Variants in SPAG6 observed in about 807,000 individuals in gnomAD.
SPAG6 encodes sperm associated antigen 6, also known as sperm-associated antigen 6.
Under a neutral mutation model 58.5 loss-of-function variants are expected in SPAG6, and 49 were observed. The observed-to-expected ratio is 0.84, with a 90% CI of 0.67 to 1.06. The LOEUF (loss-of-function observed/expected upper bound fraction) is 1.06. Among genes scored for constraint, SPAG6 ranks in the 50% least tolerant of loss-of-function variants. SPAG6 has a pLI of 0.00. For missense variants in SPAG6, 560 were observed against 611.3 expected, an observed-to-expected ratio of 0.92 and a Z score of 0.89; for synonymous variants, 233 against 225.6, an observed-to-expected ratio of 1.03 and a Z score of -0.29.
intron 9 of SPAG6, among the ~76,000 whole-genome samples, chr10:22,402,113 T>C (rs1351092582): frequency 6.6e-6 from 1 of 152,158 alleles, no homozygotes; most frequent in African/African-American, 2.4e-5. Flanking sequence ...AAAATGTAAA[T>C]AATTAGAGTA....
intron 4 of SPAG6, among the ~76,000 whole-genome samples, chr10:22,370,389 A>C (rs759352763): frequency 6.6e-6 from 1 of 152,180 alleles, no homozygotes; most frequent in African/African-American, 2.4e-5. Flanking sequence ...TCTCCCTGTT[A>C]AATGGAGAAA....
chr10:22,390,172 T>C lies in SPAG6; in HGVS notation c.1005+860T>C, dbSNP rs79919152. Among the ~76,000 whole-genome samples, 574 of 152,322 alleles carry C rather than the reference T, an allele frequency of 3.8e-3. 10 individuals carry two copies. The East Asian group carries it at 0.056, about 15-fold the overall frequency. ...TTTGCTTTACTCCCTTTTATCCTGC[T>C]CTTTTCCTTTTGTTCTTCTACTACC... On this transcript the variant is annotated intron_variant, in intron 7 of 10. Transcript: ENST00000376624.
intron 8 of SPAG6, among the ~76,000 whole-genome samples, chr10:22,395,058 T>C (rs1230848773): frequency 6.6e-6 from 1 of 152,198 alleles, no homozygotes; most frequent in Non-Finnish European, 1.5e-5. Flanking sequence ...AGTTCGTCCA[T>C]GTTGTGGCAT....
intron 8 of SPAG6, among the ~76,000 whole-genome samples, chr10:22,394,000 A>C (rs986295099): frequency 4.6e-5 from 7 of 152,184 alleles, no homozygotes; most frequent in African/African-American, 1.7e-4. Flanking sequence ...TCCATGCAGG[A>C]GAACGAATGA....
intron 4 of SPAG6, among the ~76,000 whole-genome samples, chr10:22,382,252 A>G (rs1446663204): frequency 6.6e-6 from 1 of 152,168 alleles, no homozygotes; most frequent in Non-Finnish European, 1.5e-5. Flanking sequence ...ACTCAAAATG[A>G]GCTACTCCTA....
At chr10:22,389,413 G>A (rs1834136603) in intron 7 of SPAG6, 101 bp downstream of exon 7, 4 of 1,252,844 alleles carry the variant, frequency 3.2e-6, no homozygotes, top group African/African-American at 1.5e-5. Context: ...ACTGACTGGA[G>A]CAAAAAAATT....
At chr10:22,372,411 A>G (rs1365574327) in intron 4 of SPAG6, among the ~76,000 whole-genome samples, 1 of 152,172 alleles carries the variant, frequency 6.6e-6, no homozygotes, top group Non-Finnish European at 1.5e-5. Context: ...GCCAGCTGGA[A>G]GCATGATGGG....
At chr10:22,360,465 CAA>C (rs758460726) in intron 2 of SPAG6, among the ~76,000 whole-genome samples, 22 of 54,814 alleles carry the variant, frequency 4.0e-4, no homozygotes, top group Non-Finnish European at 5.2e-4. Flanking sequence ...AACCATGTCA[CAA>C]AAAAAAAAAA....
rs572167964 is a variant in SPAG6, at chr10:22,369,090, G to C, written c.472+412G>C. On this transcript the variant is annotated intron_variant, in intron 4 of 10. Coordinates refer to ENST00000376624, the MANE Select transcript of SPAG6 (RefSeq NM_012443.4). ...GTTAGTCACCCTCTTGGGGTCATTT[G>C]GTCTTCCTGCCCATTCATGATAGGG... 2.8e-4 allele frequency among the ~76,000 whole-genome samples: 43 copies of C among 152,266 alleles called. No individual in the cohort carries two copies. The South Asian group carries it at 7.3e-3, about 26-fold the overall frequency.
In SPAG6 at chr10:22,393,946, G is replaced by T. The variant is rs150011383; in HGVS notation, c.1197+2026G>T. Among the ~76,000 whole-genome samples the T allele has an allele frequency of 8.3e-3, 1,261 of 152,206 alleles. 65 individuals carry two copies. The highest frequency in any genetic ancestry group is 0.075 in the Admixed American group (1,140 of 15,272). On this transcript the variant is annotated intron_variant, in intron 8 of 10. Coordinates refer to ENST00000376624, the MANE Select transcript of SPAG6 (RefSeq NM_012443.4). ...ATAAGCCCATGTTGAAGTTCATTTT[G>T]TCCCAAAGGCATGTCAGCTTCTGTA...
intron 4 of SPAG6, among the ~76,000 whole-genome samples, chr10:22,376,590 CA>C (rs1473568115): frequency 1.3e-5 from 2 of 152,024 alleles, no homozygotes; most frequent in African/African-American, 4.8e-5. Flanking sequence ...TACAAACATA[CA>C]TGTATACCAG....
At chr10:22,396,914 T>A (rs1588553111) in intron 8 of SPAG6, among the ~76,000 whole-genome samples, 2 of 152,186 alleles carry the variant, frequency 1.3e-5, no homozygotes, top group African/African-American at 4.8e-5. Flanking sequence ...ATATTGTATC[T>A]AAGGATAAAC....
intron 4 of SPAG6, among the ~76,000 whole-genome samples, chr10:22,383,970 G>A (rs1239913214): frequency 6.6e-6 from 1 of 152,178 alleles, no homozygotes; most frequent in East Asian, 1.9e-4. Context: ...AATTATATCA[G>A]GATGTTTTTA....
intron 2 of SPAG6, among the ~76,000 whole-genome samples, chr10:22,350,413 C>G (rs1225904797): frequency 6.6e-6 from 1 of 151,700 alleles, no homozygotes; most frequent in African/African-American, 2.4e-5. Context: ...GGGTTAGGCT[C>G]TAATTGTTTC....
chr10:22,383,628 A>T (rs1219886044), intron 4 of SPAG6, among the ~76,000 whole-genome samples: 4 of 151,744 alleles, frequency 2.6e-5, no homozygotes, highest in African/African-American at 9.7e-5. Context: ...ACAGAGCAAG[A>T]CTCCATCTCA....
intron 2 of SPAG6, among the ~76,000 whole-genome samples, chr10:22,363,253 A>G (rs916491068): frequency 5.9e-5 from 9 of 152,356 alleles, no homozygotes; most frequent in East Asian, 5.8e-4. Flanking sequence ...ATTTTTTTAA[A>G]TCCACCTTTC....
chr10:22,375,905 T>G (rs1253315191), intron 4 of SPAG6, among the ~76,000 whole-genome samples: 4 of 152,114 alleles, frequency 2.6e-5, no homozygotes, highest in East Asian at 1.9e-4. Flanking sequence ...AGATAGGACC[T>G]CTAGCGTTTT....
rs1836505626 is a variant in SPAG6, at chr10:22,345,804, C to G, written c.107C>G (p.Thr36Arg). 1.2e-6 allele frequency: 2 copies of G among 1,613,232 alleles called. No individual in the cohort carries two copies. Among genetic ancestry groups the G allele is most frequent in the African/African-American group, 1.3e-5 (1 of 74,870 alleles). The change falls in exon 2 of 11, where the codon ACG becomes AGG. Residue 36 changes from threonine (T) to arginine (R), a missense_variant. Transcript: ENST00000376624. This position sits in a 1 kb window ranked among gnomAD's most constrained non-coding sequence, Gnocchi z 6.3. ...GCGACTAGACCCCAAAACATCGAGA[C>G]GCTGCAGAACGCGGGTGAGCCCGGA... is the stretch of plus-strand genomic sequence containing the variant. ...ELATRPQNIETLQNAGVMSLL... is the reference protein window; with the variant it reads ...ELATRPQNIERLQNAGVMSLL...
intron 2 of SPAG6, among the ~76,000 whole-genome samples, chr10:22,364,331 T>G (rs1230156118): frequency 6.6e-6 from 1 of 152,226 alleles, no homozygotes; most frequent in Admixed American, 6.5e-5. Flanking sequence ...TTTACTATTG[T>G]TGCTGTTGTG....
Sources: allele counts gnomAD v4.1 joint callset (sites outside exome capture counted in the v4.1 genomes callset), GRCh38; gene constraint gnomAD v4.1.1; non-coding constraint Gnocchi (gnomAD v3.1); transcripts MANE v1.5; gene names NCBI Gene and HGNC (gene_info 2026-07-23, HGNC 2026-07-21).